The following UBE2H variants were observed in gnomAD, a reference collection of about 807,000 sequenced individuals.
The protein encoded by UBE2H is ubiquitin-conjugating enzyme E2 H.
A neutral mutation model predicts 29.0 loss-of-function variants in UBE2H; 3 were observed. That is an observed-to-expected ratio of 0.10 (90% CI 0.05 to 0.27). The LOEUF (loss-of-function observed/expected upper bound fraction) is 0.27, where lower values mean the gene tolerates loss of function less well. Among genes scored for constraint, UBE2H ranks in the 10% least tolerant of loss-of-function variants. The probability of loss-of-function intolerance (pLI) is 1.00; values close to 1 mark genes in which losing one functional copy is unlikely to be tolerated. For missense variants in UBE2H, 68 were observed against 228.2 expected (o/e 0.30, Z 4.52); for synonymous variants, 69 against 82.9 (o/e 0.83, Z 0.91).
At chr7:129,857,340 T>C (rs1032595773) in intron 5 of UBE2H, 171 bp downstream of exon 5, 4 of 642,050 alleles carry the variant, frequency 6.2e-6, no homozygotes, top group African/African-American at 5.6e-5. Context: ...AACTGATATA[T>C]TTGTACTTAA....
chr7:129,920,848 C>CAAAAAA (rs11347186), intron 1 of UBE2H, among the ~76,000 whole-genome samples: 1 of 73,976 alleles, frequency 1.4e-5, no homozygotes, highest in Non-Finnish European at 2.6e-5. Context: ...TAGAAAAAGT[C>CAAAAAA]AAAAAAAAAA....
rs896842166 is a variant in UBE2H, at chr7:129,952,899, G to C, written c.-344C>G. ...CCACTCACCCTCTGACCGGCTCCTA[G>C]CAGCCTCCACTATAAGCGGACGACT... On this transcript the variant is annotated 5_prime_UTR_variant, in exon 1 of 7. Coordinates refer to ENST00000355621, the MANE Select transcript of UBE2H (RefSeq NM_003344.4). 1 of 186,598 alleles carries C rather than the reference G, an allele frequency of 5.4e-6. No individual in the cohort carries two copies. Among genetic ancestry groups the C allele is most frequent in the Non-Finnish European group, 1.1e-5 (1 of 90,900 alleles). The allele number at this position is 186,598 out of a possible 1,614,324, so 11.6% of individuals were successfully genotyped here.
At chr7:129,941,256 T>C (rs1807636197) in intron 1 of UBE2H, among the ~76,000 whole-genome samples, 1 of 152,100 alleles carries the variant, frequency 6.6e-6, no homozygotes, top group Non-Finnish European at 1.5e-5. Flanking sequence ...TTGCCCAGGC[T>C]GGTTGGTCTC....
intron 1 of UBE2H, among the ~76,000 whole-genome samples, chr7:129,947,530 C>G (rs1807789869): frequency 6.6e-6 from 1 of 152,138 alleles, no homozygotes; most frequent in Non-Finnish European, 1.5e-5. Flanking sequence ...TGATTAACAG[C>G]AAAATACCAA....
intron 1 of UBE2H, among the ~76,000 whole-genome samples, chr7:129,913,939 C>T (rs1317296960): frequency 6.6e-6 from 1 of 152,158 alleles, no homozygotes; most frequent in South Asian, 2.1e-4. Context: ...GGAGATAACA[C>T]TTATAAAAGA....
chr7:129,889,197 G>A (rs1221633643), intron 1 of UBE2H, among the ~76,000 whole-genome samples: 1 of 152,184 alleles, frequency 6.6e-6, no homozygotes, highest in East Asian at 1.9e-4. Flanking sequence ...ATCTACCTGT[G>A]CTTTACAAAG....
At chr7:129,835,168 A>G in intron 6 of UBE2H, 107 bp from the exon 7 acceptor site, 1 of 1,454,662 alleles carries the variant, frequency 6.9e-7, no homozygotes, top group Non-Finnish European at 9.4e-7. Flanking sequence ...TACCTTGAAC[A>G]CCAGGGGGGA....
intron 1 of UBE2H, among the ~76,000 whole-genome samples, chr7:129,941,550 C>CT (rs997013424): frequency 6.6e-6 from 1 of 152,106 alleles, no homozygotes; most frequent in African/African-American, 2.4e-5. Flanking sequence ...GCCAGGTCAC[C>CT]TTTTTGTTAG....
chr7:129,863,717 A>C (rs912484616), intron 3 of UBE2H, among the ~76,000 whole-genome samples: 1 of 152,078 alleles, frequency 6.6e-6, no homozygotes, highest in African/African-American at 2.4e-5. Flanking sequence ...ACAGTTTATA[A>C]CCTTGCCTTT....
intron 1 of UBE2H, among the ~76,000 whole-genome samples, chr7:129,936,390 C>A (rs1477720435): frequency 6.6e-6 from 1 of 151,904 alleles, no homozygotes; most frequent in Admixed American, 6.6e-5. Flanking sequence ...GTCAGGAGAT[C>A]GAGACCATCC....
intron 1 of UBE2H, among the ~76,000 whole-genome samples, chr7:129,926,578 G>C (rs894884463): frequency 6.6e-6 from 1 of 151,750 alleles, no homozygotes; most frequent in Non-Finnish European, 1.5e-5. Flanking sequence ...CTGAGTCGCT[G>C]AAATTACAGT....
At chr7:129,899,406 A>C (rs1265811217) in intron 1 of UBE2H, among the ~76,000 whole-genome samples, 1 of 152,206 alleles carries the variant, frequency 6.6e-6, no homozygotes, top group Non-Finnish European at 1.5e-5. Flanking sequence ...TAGTAAAATA[A>C]AGTTCACCTT....
intron 1 of UBE2H, among the ~76,000 whole-genome samples, chr7:129,910,630 C>T (rs1806916031): frequency 6.6e-6 from 1 of 152,080 alleles, no homozygotes; most frequent in Non-Finnish European, 1.5e-5. Context: ...GCCTGTAATC[C>T]CAGCACTTTG....
chr7:129,868,696 G>A (rs886426211), intron 3 of UBE2H, among the ~76,000 whole-genome samples: 2 of 152,100 alleles, frequency 1.3e-5, no homozygotes, highest in Non-Finnish European at 2.9e-5. Flanking sequence ...GGGGAATGGG[G>A]TGGGAAAGCT....
In UBE2H at chr7:129,859,297, A is replaced by G. The variant is rs184649943; in HGVS notation, c.206-356T>C. Among the ~76,000 whole-genome samples, 111 of 152,356 alleles carry G rather than the reference A, an allele frequency of 7.3e-4. 1 individual carries two copies. Among genetic ancestry groups the G allele is most frequent in the Middle Eastern group, 3.4e-3 (1 of 294 alleles). ...AAAAGTTAAGAAACTTCACTCTCCC[A>G]GAAGTTTTGTTGTTCAAGCTCTAAA... On this transcript the variant is annotated intron_variant, in intron 3 of 6. Coordinates refer to ENST00000355621, the MANE Select transcript of UBE2H (RefSeq NM_003344.4).
At chr7:129,857,709 AACAGAATAGT>A in intron 4 of UBE2H, 146 bp from the exon 5 acceptor site, 1 of 816,608 alleles carries the variant, frequency 1.2e-6, no homozygotes, top group South Asian at 1.8e-5. Context: ...TATGATGAGG[AACAGAATAGT>A]ACCAGGTCTT....
At chr7:129,869,759 C>T (rs951764813) in intron 3 of UBE2H, among the ~76,000 whole-genome samples, 1 of 152,186 alleles carries the variant, frequency 6.6e-6, no homozygotes, top group Non-Finnish European at 1.5e-5. Context: ...GGTAGCAAAA[C>T]AGACCCAGGG....
chr7:129,867,553 G>T lies in UBE2H; in HGVS notation c.206-8612C>A, dbSNP rs374484776. Among the ~76,000 whole-genome samples, 233 of 57,244 alleles carry T rather than the reference G, an allele frequency of 4.1e-3. 4 individuals carry two copies. Among genetic ancestry groups the T allele is most frequent in the African/African-American group, 0.016 (221 of 14,126 alleles). The allele number at this position is 57,244 out of a possible 152,430, so 37.6% of individuals were successfully genotyped here. On this transcript the variant is annotated intron_variant, in intron 3 of 6. Transcript: ENST00000355621. ...ATCACACTCTGGGGACTGTGGTGGG[G>T]TCGGGGGAGGGGGGAGGGATAGCAT...
intron 1 of UBE2H, among the ~76,000 whole-genome samples, chr7:129,899,072 T>C (rs748734949): frequency 1.3e-5 from 2 of 152,216 alleles, no homozygotes; most frequent in Non-Finnish European, 2.9e-5. Flanking sequence ...TTAGTGCTTG[T>C]ATAATGTCAA....
Sources: allele counts gnomAD v4.1 joint callset (sites outside exome capture counted in the v4.1 genomes callset), GRCh38; gene constraint gnomAD v4.1.1; transcripts MANE v1.5; gene names NCBI Gene and HGNC (gene_info 2026-07-23, HGNC 2026-07-21).